AHI1: variants seen among roughly 807,000 people sequenced by gnomAD.
AHI1 encodes Abelson helper integration site 1.
Under a neutral mutation model 149.3 loss-of-function variants are expected in AHI1, and 123 were observed. The observed-to-expected ratio is 0.82, with a 90% CI of 0.71 to 0.96. AHI1 has a LOEUF of 0.96. Ranked by LOEUF, AHI1 falls within the 40% of genes least tolerant of loss-of-function variation. The pLI is 0.00. For synonymous variants in AHI1, 475 were observed against 459.8 expected, an observed-to-expected ratio of 1.03 and a Z score of -0.42; for missense variants, 1,439 against 1,422.7, an observed-to-expected ratio of 1.01 and a Z score of -0.18.
intron 22 of AHI1, among the ~76,000 whole-genome samples, chr6:135,396,373 A>G (rs1164643344): frequency 2.6e-5 from 4 of 151,850 alleles, no homozygotes; most frequent in Non-Finnish European, 5.9e-5. Flanking sequence ...AATAATATCT[A>G]TACTTCAATG....
intron 27 of AHI1, among the ~76,000 whole-genome samples, chr6:135,295,115 G>C (rs559203800): frequency 1.3e-5 from 2 of 152,240 alleles, no homozygotes; most frequent in South Asian, 4.2e-4. Context: ...CAAAAGATTT[G>C]AACAGAAATT....
intron 14 of AHI1, among the ~76,000 whole-genome samples, chr6:135,441,995 A>T (rs1356149447): frequency 1.3e-5 from 2 of 152,198 alleles, no homozygotes; most frequent in Non-Finnish European, 2.9e-5. Context: ...CTACTTCTGC[A>T]GAGGAGAGCT....
Position 135,494,083 on chromosome 6 carries a change from A to G in AHI1, c.-55+1731T>C, listed in dbSNP as rs147928644. Among the ~76,000 whole-genome samples the G allele has an allele frequency of 9.9e-4, 151 of 152,352 alleles. 2 individuals carry two copies. The highest frequency in any genetic ancestry group is 6.8e-3 in the Middle Eastern group (2 of 294). ...GAAGAGGCAGGAGAAAGAATCGGAG[A>G]TAATTCCCATGTTTCTAGAACTAGA... is the stretch of plus-strand genomic sequence containing the variant. On this transcript the variant is annotated intron_variant, in intron 3 of 28. Transcript: ENST00000265602.
intron 24 of AHI1, among the ~76,000 whole-genome samples, chr6:135,343,861 T>C (rs934391591): frequency 2.0e-5 from 3 of 151,914 alleles, no homozygotes; most frequent in East Asian, 1.9e-4. Flanking sequence ...TATAACATCA[T>C]AGGTATAAGT....
intron 2 of AHI1, among the ~76,000 whole-genome samples, chr6:135,496,535 A>G (rs1795988635): frequency 6.6e-6 from 1 of 152,248 alleles, no homozygotes; most frequent in African/African-American, 2.4e-5. Context: ...ATTCTTATAT[A>G]TTCCATTATT....
chr6:135,394,679 C>G (rs932905638), intron 23 of AHI1, 97 bp downstream of exon 23: 4 of 1,499,470 alleles, frequency 2.7e-6, no homozygotes, highest in Non-Finnish European at 2.7e-6. Context: ...AAAAACCGAC[C>G]ATTATGAGCT....
chr6:135,481,856 G>C (rs1793704241), intron 5 of AHI1, among the ~76,000 whole-genome samples: 1 of 149,424 alleles, frequency 6.7e-6, no homozygotes, highest in Admixed American at 6.6e-5. Flanking sequence ...TTTGAGGACC[G>C]AGAATTTTAG....
intron 8 of AHI1, among the ~76,000 whole-genome samples, chr6:135,458,351 C>T (rs150650559): frequency 7.2e-5 from 11 of 152,126 alleles, no homozygotes; most frequent in Admixed American, 1.3e-4. Flanking sequence ...TTAGTGATTC[C>T]ACAGGACTAA....
chr6:135,429,523 T>C (rs1784360399), intron 18 of AHI1, among the ~76,000 whole-genome samples: 1 of 151,754 alleles, frequency 6.6e-6, no homozygotes. Flanking sequence ...AACAGTATCA[T>C]AGTGATAATA....
intron 5 of AHI1, among the ~76,000 whole-genome samples, chr6:135,483,140 A>T (rs1027685073): frequency 6.6e-6 from 1 of 151,022 alleles, no homozygotes; most frequent in Non-Finnish European, 1.5e-5. Flanking sequence ...CTTCGTGATC[A>T]GCCCACCTTG....
chr6:135,465,683 C>T (rs958065080), intron 7 of AHI1, 131 bp downstream of exon 7: 29 of 713,296 alleles, frequency 4.1e-5, no homozygotes, highest in African/African-American at 7.3e-5. Flanking sequence ...GTTAGCTGTT[C>T]TTATCTTAGT....
intron 5 of AHI1, among the ~76,000 whole-genome samples, chr6:135,484,471 T>A (rs1468457665): frequency 6.6e-6 from 1 of 152,170 alleles, no homozygotes; most frequent in South Asian, 2.1e-4. Context: ...TTCTCTTGTA[T>A]CTGGTTTTAT....
chr6:135,403,248 A>T (rs1010820641), intron 22 of AHI1, among the ~76,000 whole-genome samples: 11 of 152,188 alleles, frequency 7.2e-5, no homozygotes, highest in African/African-American at 2.7e-4. Context: ...GGATGGCTGC[A>T]AAACTTTGTG....
rs1792551442 is a variant in AHI1 at position 135,353,912 on chromosome 6, A to G, written c.3165+4220T>C. ...GTAACTGCAGAAGGAATAAATTAAT[A>G]GCTTTTAAAATTGGTCTTATAAATA... On this transcript the variant is annotated intron_variant, in intron 24 of 28. Coordinates refer to ENST00000265602, the MANE Select transcript of AHI1 (RefSeq NM_001134831.2). 6.6e-5 allele frequency among the ~76,000 whole-genome samples: 10 copies of G among 152,284 alleles called. No homozygotes were observed. In the South Asian group the frequency reaches 2.1e-3, roughly 32 times the overall value.
chr6:135,433,164 C>T lies in AHI1; in HGVS notation c.2129G>A (p.Arg710Lys), dbSNP rs1352407748. 6.2e-6 allele frequency: 10 copies of T among 1,612,932 alleles called. No individual in the cohort carries two copies. Among genetic ancestry groups the T allele is most frequent in the Non-Finnish European group, 8.5e-6 (10 of 1,179,138 alleles). Residue 710 changes from arginine to lysine, a missense_variant, in exon 16 of 29, where the codon AGA becomes AAA. Coordinates refer to ENST00000265602, the MANE Select transcript of AHI1 (RefSeq NM_001134831.2). ...VYTAKFHPAV[R>K]ELVVTGCYDS... is the part of the protein sequence containing the mutation. ...ATAGCATCCTGTAACTACTAGCTCT[C>T]TTACAGCTGGATGGAATTTAGCCGT...
In AHI1 at chr6:135,429,616, C is replaced by T. The variant is rs1051840359; in HGVS notation, c.2492+266G>A. On this transcript the variant is annotated intron_variant, in intron 18 of 28. Transcript: ENST00000265602. The stretch of plus-strand genomic sequence containing the variant: ...ATAAAAGCAACTAACTACATTTCAG[C>T]CTCAGAACTACTCACATTTTGGGCT... 5.9e-4 allele frequency among the ~76,000 whole-genome samples: 90 copies of T among 151,510 alleles called. 1 individual carries two copies. The highest frequency in any genetic ancestry group is 1.8e-4 in the Non-Finnish European group (12 of 67,610).
At chr6:135,405,789 G>C (rs1359929598) in intron 21 of AHI1, among the ~76,000 whole-genome samples, 1 of 151,162 alleles carries the variant, frequency 6.6e-6, no homozygotes, top group Non-Finnish European at 1.5e-5. Flanking sequence ...GAATCTGGGA[G>C]GTGGAGGTTG....
At chr6:135,344,188 A>G (rs1434234040) in intron 24 of AHI1, among the ~76,000 whole-genome samples, 2 of 151,888 alleles carry the variant, frequency 1.3e-5, no homozygotes, top group Non-Finnish European at 2.9e-5. Context: ...TACTATTTTT[A>G]TTTTCAAATT....
At chr6:135,322,911 T>C (rs760788586) in intron 25 of AHI1, among the ~76,000 whole-genome samples, 9 of 152,182 alleles carry the variant, frequency 5.9e-5, no homozygotes, top group African/African-American at 9.7e-5. Flanking sequence ...AGAAAGCTGG[T>C]AGCTAGAGGG....
Sources: allele counts gnomAD v4.1 joint callset (sites outside exome capture counted in the v4.1 genomes callset), GRCh38; gene constraint gnomAD v4.1.1; transcripts MANE v1.5; gene names NCBI Gene and HGNC (gene_info 2026-07-23, HGNC 2026-07-21).